AFAP1L1: variants seen among roughly 807,000 people sequenced by gnomAD.
The protein encoded by AFAP1L1 is actin filament associated protein 1 like 1, also known as actin filament-associated protein 1-like 1.
Under a neutral mutation model 99.8 loss-of-function variants are expected in AFAP1L1, and 77 were observed. The ratio of observed to expected loss-of-function variants is 0.77; its 90% CI spans 0.64 to 0.93. The LOEUF is 0.93. AFAP1L1 is among the 40% of genes least tolerant of loss of function. AFAP1L1 has a pLI of 0.00. For missense variants in AFAP1L1, 893 were observed against 996.8 expected, an observed-to-expected ratio of 0.90 and a Z score of 1.40; for synonymous variants, 373 against 395.3, an observed-to-expected ratio of 0.94 and a Z score of 0.67.
At chr5:149,300,861 A>G (rs1315356524) in intron 3 of AFAP1L1, among the ~76,000 whole-genome samples, 2 of 152,248 alleles carry the variant, frequency 1.3e-5, no homozygotes, top group Non-Finnish European at 2.9e-5. Flanking sequence ...CTGTGCCTTT[A>G]TAGCATAACC....
Position 149,340,049 on chromosome 5 carries a change from A to G in AFAP1L1, c.*19A>G, listed in dbSNP as rs1475544390. On this transcript the variant is annotated 3_prime_UTR_variant, in exon 19 of 19. Transcript: ENST00000296721. ...GACCTAGGAAGAGGATGAGGATTTCATTCCAAAGGAAATACCAGCTTGTCC... is the reference window on the plus strand; with the variant it reads ...GACCTAGGAAGAGGATGAGGATTTCGTTCCAAAGGAAATACCAGCTTGTCC... 6.2e-7 allele frequency: 1 copy of G among 1,613,826 alleles called. No homozygotes were observed. The highest frequency in any genetic ancestry group is 8.5e-7 in the Non-Finnish European group (1 of 1,179,748).
chr5:149,271,945 C>T lies in AFAP1L1; in HGVS notation c.-24C>T, dbSNP rs554331403. On this transcript the variant is annotated 5_prime_UTR_variant, in exon 1 of 19. Transcript: ENST00000296721. ...CGGAGCCCCTGCGCCCTGCGGCCCG[C>T]TCCCCGGGGACCGGGCCGGCGCCAT... 1.3e-5 allele frequency: 16 copies of T among 1,229,772 alleles called. No homozygotes were observed. The highest frequency in any genetic ancestry group is 1.5e-5 in the Non-Finnish European group (15 of 985,248). The allele number at this position is 1,229,772 out of a possible 1,614,324, so 76.2% of individuals were successfully genotyped here.
At chr5:149,314,948 G>C (rs1756751242) in intron 9 of AFAP1L1, among the ~76,000 whole-genome samples, 2 of 152,178 alleles carry the variant, frequency 1.3e-5, no homozygotes, top group African/African-American at 4.8e-5. Flanking sequence ...CAGTCCATGG[G>C]CCTTCACTTG....
At chr5:149,296,644 T>C (rs1756028369) in intron 1 of AFAP1L1, among the ~76,000 whole-genome samples, 1 of 152,246 alleles carries the variant, frequency 6.6e-6, no homozygotes, top group African/African-American at 2.4e-5. Context: ...TTATTCATTT[T>C]TTCTAAGCCC....
At chr5:149,310,889 C>T (rs1027729622) in intron 8 of AFAP1L1, among the ~76,000 whole-genome samples, 1 of 152,190 alleles carries the variant, frequency 6.6e-6, no homozygotes, top group Non-Finnish European at 1.5e-5. Flanking sequence ...CTAAAGGGCA[C>T]TTACTGGCTG....
chr5:149,317,616 G>C, intron 11 of AFAP1L1, 113 bp from the exon 12 acceptor site: 6 of 1,094,010 alleles, frequency 5.5e-6, no homozygotes, highest in Non-Finnish European at 7.9e-6. Context: ...ACAGGGGAAA[G>C]AGAGCTGACC....
chr5:149,290,919 T>G (rs930769516), intron 1 of AFAP1L1, among the ~76,000 whole-genome samples: 7 of 152,266 alleles, frequency 4.6e-5, no homozygotes, highest in Admixed American at 4.6e-4. Flanking sequence ...GCTGGCAATG[T>G]TCGTGCACTC....
At chr5:149,319,857 G>C in intron 13 of AFAP1L1, 130 bp downstream of exon 13, 1 of 1,330,112 alleles carries the variant, frequency 7.5e-7, no homozygotes, top group Non-Finnish European at 1.0e-6. Context: ...TCCTTGGTAA[G>C]CTGGAATGAG....
intron 18 of AFAP1L1, among the ~76,000 whole-genome samples, chr5:149,337,724 G>A (rs953870683): frequency 6.6e-6 from 1 of 152,130 alleles, no homozygotes; most frequent in Non-Finnish European, 1.5e-5. Context: ...GTTAATGTAA[G>A]AAGATAATTC....
chr5:149,285,809 T>G (rs1214058053), intron 1 of AFAP1L1, among the ~76,000 whole-genome samples: 1 of 152,132 alleles, frequency 6.6e-6, no homozygotes, highest in Non-Finnish European at 1.5e-5. Context: ...CTTCTCCCAC[T>G]CCCAAAGAGC....
intron 5 of AFAP1L1, among the ~76,000 whole-genome samples, chr5:149,302,849 TA>T (rs1409549306): frequency 2.0e-5 from 3 of 152,156 alleles, no homozygotes; most frequent in Non-Finnish European, 4.4e-5. Flanking sequence ...GTCAGTGTGC[TA>T]GGAGGCAGCT....
rs772321308 is a variant in AFAP1L1 at position 149,329,790 on chromosome 5, G to A, written c.1935G>A (p.Gln645=). The change falls in exon 16 of 19, where the codon CAG becomes CAA. Residue 645 remains glutamine, a synonymous_variant. Transcript: ENST00000296721. ...TIRTELIALR[Q]EKRELKEAIR... ...GGACAGAGCTGATAGCACTGAGACA[G>A]GAGAAGAGGGAACTGAAGGAAGCCA... 20 of 1,613,320 alleles carry A rather than the reference G, an allele frequency of 1.2e-5. No individual in the cohort carries two copies. In the South Asian group the frequency reaches 2.1e-4, roughly 17 times the overall value.
chr5:149,307,382 C>T lies in AFAP1L1; in HGVS notation c.536-20C>T, dbSNP rs1756450267. The T allele has an allele frequency of 6.2e-7, 1 of 1,613,422 alleles. No individual in the cohort carries two copies. Among genetic ancestry groups the T allele is most frequent in the Admixed American group, 1.7e-5 (1 of 59,988 alleles). Reference sequence around the variant, plus strand: ...CCCCAGGATGGCACAGTGATGGATCCTTTCCCGTGACGCCTGCAGATAATG... The same window carrying T: ...CCCCAGGATGGCACAGTGATGGATCTTTTCCCGTGACGCCTGCAGATAATG... On this transcript the variant is annotated intron_variant, in intron 6 of 18. Coordinates refer to ENST00000296721, the MANE Select transcript of AFAP1L1 (RefSeq NM_152406.4).
intron 6 of AFAP1L1, among the ~76,000 whole-genome samples, chr5:149,306,921 A>G (rs916601762): frequency 2.0e-5 from 3 of 152,194 alleles, no homozygotes; most frequent in African/African-American, 7.2e-5. Context: ...CAAGATCGCA[A>G]AGCAAGGGAT....
In AFAP1L1 at chr5:149,341,103, G is replaced by A. The variant is rs1178221786; in HGVS notation, c.*1073G>A. The stretch of plus-strand genomic sequence containing the variant: ...CTCACTACTGTCTCAACACTGTAGT[G>A]AGTCTGTCTTTAACACATTTCCTTC... On this transcript the variant is annotated 3_prime_UTR_variant, in exon 19 of 19. Coordinates refer to ENST00000296721, the MANE Select transcript of AFAP1L1 (RefSeq NM_152406.4). 6.6e-6 allele frequency: 1 copy of A among 152,180 alleles called. No individual in the cohort carries two copies. The highest frequency in any genetic ancestry group is 2.4e-5 in the African/African-American group (1 of 41,438). The allele number at this position is 152,180 out of a possible 1,614,324, so 9.4% of individuals were successfully genotyped here.
At chr5:149,329,573 G>T in intron 15 of AFAP1L1, 93 bp from the exon 16 acceptor site, 1 of 1,242,526 alleles carries the variant, frequency 8.0e-7, no homozygotes, top group Admixed American at 2.8e-5. Context: ...TTCATAGATG[G>T]AGAAGTTGGG....
At chr5:149,272,810 C>G (rs1480566420) in intron 1 of AFAP1L1, among the ~76,000 whole-genome samples, 1 of 152,082 alleles carries the variant, frequency 6.6e-6, no homozygotes, top group Non-Finnish European at 1.5e-5. Context: ...TCAAGCGATT[C>G]TCCTACCTCA....
chr5:149,333,194 T>C (rs188238390), intron 17 of AFAP1L1, among the ~76,000 whole-genome samples: 5 of 152,362 alleles, frequency 3.3e-5, no homozygotes, highest in Admixed American at 2.6e-4. Context: ...ATAACAAACA[T>C]GTGTGATCCA....
At chr5:149,284,459 G>A (rs939192149) in intron 1 of AFAP1L1, among the ~76,000 whole-genome samples, 1 of 152,234 alleles carries the variant, frequency 6.6e-6, no homozygotes, top group African/African-American at 2.4e-5. Flanking sequence ...AAAGCACTCA[G>A]CACATAAGAA....
Sources: gnomAD v4.1 joint callset for allele counts (sites outside exome capture counted in the v4.1 genomes callset) on GRCh38, gnomAD v4.1.1 for gene constraint, MANE v1.5 for transcripts, NCBI Gene and HGNC (gene_info 2026-07-23, HGNC 2026-07-21) for gene names.